Variants in ZNF99 observed in about 807,000 individuals in gnomAD.
ZNF99 encodes zinc finger protein 99.
In ZNF99, 8 loss-of-function variants were observed where a neutral mutation model predicts 12.8. The ratio of observed to expected loss-of-function variants is 0.62; its 90% CI spans 0.37 to 1.13. The LOEUF (loss-of-function observed/expected upper bound fraction) is 1.13. ZNF99 is among the 50% of genes most tolerant of loss of function. The pLI is 0.02. For missense variants in ZNF99, 1,007 were observed against 1,006.2 expected (o/e 1.00, Z -0.01); for synonymous variants, 318 against 319.0 (o/e 1.00, Z 0.03).
chr19:22,769,850 A>G (rs1599446253), intron 1 of ZNF99: 2 of 1,318,384 alleles, frequency 1.5e-6, no homozygotes, highest in East Asian at 9.5e-5. Context: ...AAGATCCACA[A>G]CACCAGCACA....
chr19:22,754,595 A>C lies in ZNF99; in HGVS notation c.*2719T>G, dbSNP rs1973021082. On this transcript the variant is annotated 3_prime_UTR_variant, in exon 4 of 4. Transcript: ENST00000596209. Reference sequence around the variant, plus strand: ...TTTGTCGGGTTTCTCTTCAGTATGAATTATCTTAATGTGTGGTAAGATGTG... The same window carrying C: ...TTTGTCGGGTTTCTCTTCAGTATGACTTATCTTAATGTGTGGTAAGATGTG... 2.5e-6 allele frequency: 1 copy of C among 401,276 alleles called. No individual in the cohort carries two copies. Among genetic ancestry groups the C allele is most frequent in the Non-Finnish European group, 4.9e-6 (1 of 204,320 alleles). 24.9% of individuals were successfully genotyped at this position (401,276 alleles called of 1,614,324 possible).
intron 1 of ZNF99, among the ~76,000 whole-genome samples, chr19:22,778,702 G>A (rs117034841): frequency 6.6e-6 from 1 of 152,244 alleles, no homozygotes; most frequent in Non-Finnish European, 1.5e-5. Context: ...GAAATGTATA[G>A]GACAAAGAAA....
At chr19:22,768,016 A>G (rs1303641978) in intron 3 of ZNF99, among the ~76,000 whole-genome samples, 2 of 152,240 alleles carry the variant, frequency 1.3e-5, no homozygotes, top group African/African-American at 4.8e-5. Flanking sequence ...TGTGTCCCCA[A>G]TATGGAAAAG....
intron 1 of ZNF99, among the ~76,000 whole-genome samples, chr19:22,782,011 CT>C (rs1973393307): frequency 6.6e-6 from 1 of 150,558 alleles, no homozygotes; most frequent in Non-Finnish European, 1.5e-5. Context: ...TTATTTTTTG[CT>C]TTCTTCTCTT....
intron 1 of ZNF99, among the ~76,000 whole-genome samples, chr19:22,775,010 C>G (rs1973310733): frequency 6.6e-6 from 1 of 152,140 alleles, no homozygotes; most frequent in Admixed American, 6.6e-5. Context: ...AGATTTAATG[C>G]TATTCTTATC....
intron 1 of ZNF99, among the ~76,000 whole-genome samples, chr19:22,783,433 T>C (rs1329834103): frequency 1.3e-5 from 2 of 152,166 alleles, no homozygotes; most frequent in Admixed American, 6.5e-5. Context: ...TTGTACAAAT[T>C]AAGAATCTAC....
At chr19:22,765,964 C>T (rs1178758872) in intron 3 of ZNF99, among the ~76,000 whole-genome samples, 3 of 151,904 alleles carry the variant, frequency 2.0e-5, no homozygotes, top group Non-Finnish European at 4.4e-5. Context: ...TAATAATAGG[C>T]ATAATACCCT....
rs777942700 is a variant in ZNF99 at position 22,769,242 on chromosome 19, T to C, written c.86A>G (p.Tyr29Cys). Reference sequence around the variant, plus strand: ...GTAGTTCTCTAACATAACATTCCTATATAAATTCTGCTGAGCCATGTCCAG... The same window carrying C: ...GTAGTTCTCTAACATAACATTCCTACATAAATTCTGCTGAGCCATGTCCAG... ...QCLDMAQQNL[Y>C]RNVMLENYRN... The change falls in exon 2 of 4, where the codon TAT becomes TGT. Residue 29 changes from tyrosine to cysteine, a missense_variant. Tyr to Cys is a radical substitution (Grantham distance 194). Coordinates refer to ENST00000596209, the MANE Select transcript of ZNF99 (RefSeq NM_001080409.3). 36 of 1,609,764 alleles carry C rather than the reference T, an allele frequency of 2.2e-5. No individual in the cohort carries two copies. Among genetic ancestry groups the C allele is most frequent in the Non-Finnish European group, 2.8e-5 (33 of 1,177,666 alleles).
Position 22,757,488 on chromosome 19 carries a change from A to G in ZNF99, c.2421T>C (p.His807=), listed in dbSNP as rs759103767. 1.3e-5 allele frequency: 21 copies of G among 1,610,010 alleles called. No individual in the cohort carries two copies. Among genetic ancestry groups the G allele is most frequent in the African/African-American group, 2.7e-5 (2 of 74,248 alleles). Residue 807 remains histidine (H), a synonymous_variant, in exon 4 of 4, where the codon CAT becomes CAC. Transcript: ENST00000596209. ...AFNNSSTLRK[H]EIIHTGEKSY... Reference sequence around the variant, plus strand: ...ATTTCTCTCCAGTATGAATTATCTCATGTTTTCTAAGGGTTGAGGAATTGT... The same window carrying G: ...ATTTCTCTCCAGTATGAATTATCTCGTGTTTTCTAAGGGTTGAGGAATTGT...
intron 3 of ZNF99, among the ~76,000 whole-genome samples, chr19:22,765,518 C>T (rs1973194190): frequency 6.6e-6 from 1 of 151,384 alleles, no homozygotes; most frequent in African/African-American, 2.4e-5. Flanking sequence ...AAGTAGTACA[C>T]AGGTTACTTG....
In ZNF99 at chr19:22,755,566, T is replaced by G; in HGVS notation, c.*1748A>C. ...TCTCTCCAGTATGAATTATCTTATGTTCAGTAAGTTTTGAGAAGCAGTTAA... is the reference window on the plus strand; with the variant it reads ...TCTCTCCAGTATGAATTATCTTATGGTCAGTAAGTTTTGAGAAGCAGTTAA... On this transcript the variant is annotated 3_prime_UTR_variant, in exon 4 of 4. Coordinates refer to ENST00000596209, the MANE Select transcript of ZNF99 (RefSeq NM_001080409.3). 3.4e-6 allele frequency: 1 copy of G among 292,790 alleles called. No homozygotes were observed. Among genetic ancestry groups the G allele is most frequent in the Admixed American group, 4.2e-5 (1 of 23,760 alleles). The allele number at this position is 292,790 out of a possible 1,614,324, so 18.1% of individuals were successfully genotyped here. A position where few individuals can be genotyped will look rare whatever the true frequency, so the allele number is the denominator to read the frequency against.
Position 22,754,540 on chromosome 19 carries a change from C to G in ZNF99, c.*2774G>C, listed in dbSNP as rs1056357942. 2.3e-6 allele frequency: 1 copy of G among 428,176 alleles called. No homozygotes were observed. The highest frequency in any genetic ancestry group is 2.1e-5 in the African/African-American group (1 of 48,378). 26.5% of individuals were successfully genotyped at this position (428,176 alleles called of 1,614,324 possible). A position where few individuals can be genotyped will look rare whatever the true frequency, so the allele number is the denominator to read the frequency against. On this transcript the variant is annotated 3_prime_UTR_variant, in exon 4 of 4. Transcript: ENST00000596209. ...TCTTATATTTAGTATGAGTTGAAGA[C>G]CAGTTAAAGACTTTGTTACATTCTT...
At chr19:22,766,633 G>A (rs1018621336) in intron 3 of ZNF99, among the ~76,000 whole-genome samples, 7 of 151,308 alleles carry the variant, frequency 4.6e-5, no homozygotes, top group Non-Finnish European at 5.9e-5. Flanking sequence ...CACCGTGCCC[G>A]GCATAACTTT....
At chr19:22,763,886 C>CTCTTT (rs1568384897) in intron 3 of ZNF99, among the ~76,000 whole-genome samples, 1 of 123,340 alleles carries the variant, frequency 8.1e-6, no homozygotes, top group African/African-American at 3.8e-5. Context: ...GGAAAGGATA[C>CTCTTT]TCTTTTTTTT....
chr19:22,752,821 AT>A lies in ZNF99; in HGVS notation c.*4492del, dbSNP rs1434384018. On this transcript the variant is annotated 3_prime_UTR_variant, in exon 4 of 4. Coordinates refer to ENST00000596209, the MANE Select transcript of ZNF99 (RefSeq NM_001080409.3). ...ATAATACATCACTAATTTAATTTTAATTTTAACTAAAATTTTAAAATGTTTT... is the reference window on the plus strand; with the variant it reads ...ATAATACATCACTAATTTAATTTTAATTTAACTAAAATTTTAAAATGTTTT... 5.3e-5 allele frequency: 8 copies of A among 152,192 alleles called. No homozygotes were observed. Among genetic ancestry groups the A allele is most frequent in the Non-Finnish European group, 1.0e-4 (7 of 67,992 alleles). The allele number at this position is 152,192 out of a possible 1,614,324, so 9.4% of individuals were successfully genotyped here. A position where few individuals can be genotyped will look rare whatever the true frequency, so the allele number is the denominator to read the frequency against.
Position 22,755,659 on chromosome 19 carries a change from G to T in ZNF99, c.*1655C>A. The T allele has an allele frequency of 7.0e-6, 2 of 285,122 alleles. No homozygotes were observed. Among genetic ancestry groups the T allele is most frequent in the South Asian group, 4.0e-5 (1 of 25,192 alleles). The allele number at this position is 285,122 out of a possible 1,614,324, so 17.7% of individuals were successfully genotyped here. The stretch of plus-strand genomic sequence containing the variant: ...GATAAATTATTTTATGTTGAGTAAA[G>T]TTTGAGGACTGGTTAAAAGCTTTGC... On this transcript the variant is annotated 3_prime_UTR_variant, in exon 4 of 4. Transcript: ENST00000596209.
At chr19:22,761,541 T>C (rs1452017194) in intron 3 of ZNF99, among the ~76,000 whole-genome samples, 1 of 152,080 alleles carries the variant, frequency 6.6e-6, no homozygotes, top group East Asian at 1.9e-4. Flanking sequence ...ACAATAATAA[T>C]GAGGACTTCA....
Position 22,757,862 on chromosome 19 carries a change from C to T in ZNF99, c.2047G>A (p.Gly683Ser). 1 of 1,611,982 alleles carries T rather than the reference C, an allele frequency of 6.2e-7. No homozygotes were observed. Among genetic ancestry groups the T allele is most frequent in the Non-Finnish European group, 8.5e-7 (1 of 1,178,928 alleles). The change falls in exon 4 of 4, where the codon GGC (glycine) becomes AGC (serine). Residue 683 changes from glycine (G) to serine (S), a missense_variant. Gly to Ser is a moderately conservative substitution (Grantham distance 56). Coordinates refer to ENST00000596209, the MANE Select transcript of ZNF99 (RefSeq NM_001080409.3). ...EEKPYKCEEC[G>S]KAFNHFSALR... ...GCTGAGAAATGGTTAAAAGCCTTGCCACATTCTTCACATTTGTAGGGTTTC... is the reference window on the plus strand; with the variant it reads ...GCTGAGAAATGGTTAAAAGCCTTGCTACATTCTTCACATTTGTAGGGTTTC...
chr19:22,783,325 T>G (rs1325357391), intron 1 of ZNF99, among the ~76,000 whole-genome samples: 1 of 152,100 alleles, frequency 6.6e-6, no homozygotes, highest in East Asian at 1.9e-4. Context: ...TGCTTTTTTT[T>G]TTGTAAATTA....
Sources: gnomAD v4.1 joint callset for allele counts (sites outside exome capture counted in the v4.1 genomes callset) on GRCh38, gnomAD v4.1.1 for gene constraint, MANE v1.5 for transcripts, NCBI Gene and HGNC (gene_info 2026-07-23, HGNC 2026-07-21) for gene names.